LAMA3: variants seen among roughly 807,000 people sequenced by gnomAD.
LAMA3 encodes laminin subunit alpha 3.
In LAMA3, 281 loss-of-function variants were observed where a neutral mutation model predicts 402.0. The ratio of observed to expected loss-of-function variants is 0.70; its 90% CI spans 0.63 to 0.77. LAMA3 has a LOEUF of 0.77. Among genes scored for constraint, LAMA3 ranks in the 30% least tolerant of loss-of-function variants. The pLI is 0.00. For synonymous variants in LAMA3, 1,431 were observed against 1,558.4 expected (o/e 0.92, Z 1.93); for missense variants, 3,840 against 4,215.5 (o/e 0.91, Z 2.47).
chr18:23,885,460 T>C (rs2065045587), intron 41 of LAMA3, among the ~76,000 whole-genome samples: 1 of 151,734 alleles, frequency 6.6e-6, no homozygotes, highest in East Asian at 1.9e-4. Flanking sequence ...GTTCACATAA[T>C]AGGTGTTCGG....
At chr18:23,822,410 C>T (rs1478757171) in intron 20 of LAMA3, 35 bp downstream of exon 20, 1 of 1,599,422 alleles carries the variant, frequency 6.3e-7, no homozygotes, top group African/African-American at 1.3e-5. Flanking sequence ...AGCCTCTTTT[C>T]AATTAAGAAA....
chr18:23,805,383 C>A (rs535423493), intron 12 of LAMA3, among the ~76,000 whole-genome samples: 2 of 152,228 alleles, frequency 1.3e-5, no homozygotes, highest in Non-Finnish European at 2.9e-5. Context: ...CTCATCTCTG[C>A]AATTCCTGCA....
At chr18:23,952,968 C>G in intron 73 of LAMA3, 22 bp from the exon 74 acceptor site, 2 of 1,613,796 alleles carry the variant, frequency 1.2e-6, no homozygotes, top group South Asian at 1.1e-5. Flanking sequence ...GATGATAGAC[C>G]TAACCAGCCT....
chr18:23,914,668 A>G lies in LAMA3; in HGVS notation c.7482-30A>G. 1.9e-6 allele frequency: 3 copies of G among 1,596,332 alleles called. 1 individual carries two copies. In the South Asian group the frequency reaches 3.3e-5, roughly 18 times the overall value. On this transcript the variant is annotated intron_variant, in intron 57 of 74. Transcript: ENST00000313654. The stretch of plus-strand genomic sequence containing the variant: ...TTTGAATTCTTCAAATTTTTTGTTT[A>G]ACTTTATTATCTAAATTCATTTTAA...
intron 70 of LAMA3, among the ~76,000 whole-genome samples, chr18:23,947,859 T>G (rs1269956524): frequency 6.7e-6 from 1 of 150,188 alleles, no homozygotes; most frequent in Non-Finnish European, 1.5e-5. Flanking sequence ...TCGCCCAGGC[T>G]GGAGTGCAGT....
At chr18:23,715,122 C>T (rs185277642) in intron 2 of LAMA3, among the ~76,000 whole-genome samples, 142 of 151,934 alleles carry the variant, frequency 9.3e-4, no homozygotes, top group African/African-American at 3.3e-3. Flanking sequence ...GAAATTGGGG[C>T]GTGACTAATA....
intron 32 of LAMA3, among the ~76,000 whole-genome samples, chr18:23,854,072 C>T (rs1342903234): frequency 6.6e-6 from 1 of 152,232 alleles, no homozygotes; most frequent in Non-Finnish European, 1.5e-5. Context: ...CAGGCCGCTG[C>T]TCTCCTCCCT....
chr18:23,843,293 C>T (rs1028526397), intron 29 of LAMA3, among the ~76,000 whole-genome samples: 3 of 152,150 alleles, frequency 2.0e-5, no homozygotes, highest in Admixed American at 6.5e-5. Flanking sequence ...CCATCTCCTG[C>T]GTATCTGCCT....
At chr18:23,751,229 G>A in intron 5 of LAMA3, 141 bp downstream of exon 5, 2 of 785,050 alleles carry the variant, frequency 2.5e-6, no homozygotes, top group South Asian at 3.2e-5. Flanking sequence ...TGAAATACTA[G>A]ATATAATTAG....
chr18:23,906,372 T>C (rs928965953), intron 52 of LAMA3, among the ~76,000 whole-genome samples: 1 of 152,248 alleles, frequency 6.6e-6, no homozygotes, highest in African/African-American at 2.4e-5. Flanking sequence ...TCACTGCTAC[T>C]GTGAAGCATG....
rs755647001 is a variant in LAMA3, at chr18:23,815,190, T to G, written c.1891T>G (p.Cys631Gly). 1.9e-6 allele frequency: 3 copies of G among 1,613,990 alleles called. No homozygotes were observed. Among genetic ancestry groups the G allele is most frequent in the Non-Finnish European group, 2.5e-6 (3 of 1,179,968 alleles). ...DKENPSGCSECKCHKAGTVSG... is the reference protein window; with the variant it reads ...DKENPSGCSEGKCHKAGTVSG... ...AGGATGCTCTCTTATCTCCACAGAA[T>G]GCAAGTGCCATAAGGCGGGAACAGT... Residue 631 changes from cysteine to glycine, a missense_variant and splice_region_variant, in exon 16 of 75, where the codon TGC (cysteine) becomes GGC (glycine). Physicochemically the swap from Cys to Gly is radical, Grantham distance 159. Around this residue, in one of 3 missense-constraint regions of LAMA3, gnomAD observed 2,109 missense variants for 2,376.0 expected, o/e 0.89. Transcript: ENST00000313654.
intron 12 of LAMA3, among the ~76,000 whole-genome samples, chr18:23,785,303 G>A (rs2062521442): frequency 6.6e-6 from 1 of 152,058 alleles, no homozygotes; most frequent in African/African-American, 2.4e-5. Context: ...TCTGAACACT[G>A]GAGGATATTA....
chr18:23,741,776 A>G (rs77135824), intron 2 of LAMA3, among the ~76,000 whole-genome samples: 9,482 of 152,268 alleles, frequency 0.062, 622 homozygotes, highest in Admixed American at 0.18. Context: ...TAGCATTATC[A>G]ATAATAGGAC....
intron 36 of LAMA3, among the ~76,000 whole-genome samples, chr18:23,867,185 T>G (rs2064379006): frequency 6.6e-6 from 1 of 152,186 alleles, no homozygotes. Flanking sequence ...CAAAGCACTT[T>G]CTTCCCACCG....
intron 2 of LAMA3, among the ~76,000 whole-genome samples, chr18:23,723,197 TA>T (rs1006751262): frequency 3.9e-5 from 6 of 152,132 alleles, no homozygotes; most frequent in African/African-American, 1.4e-4. Context: ...ATATTTGCAT[TA>T]AAAAAATTTC....
intron 12 of LAMA3, 132 bp from the exon 13 acceptor site, chr18:23,810,234 T>G: frequency 9.5e-7 from 1 of 1,050,816 alleles, no homozygotes; most frequent in Non-Finnish European, 1.5e-6. Context: ...GTTCCCGATC[T>G]CATAAGAAGT....
At chr18:23,710,177 T>C in intron 1 of LAMA3, 1 of 684,888 alleles carries the variant, frequency 1.5e-6, no homozygotes, top group South Asian at 1.4e-5. Context: ...GCAGATCTTT[T>C]TTTGTGTGGC....
At chr18:23,794,756 A>G (rs2062730132) in intron 12 of LAMA3, among the ~76,000 whole-genome samples, 1 of 152,096 alleles carries the variant, frequency 6.6e-6, no homozygotes, top group African/African-American at 2.4e-5. Flanking sequence ...TGAATACACT[A>G]ATTGTCTAAC....
At chr18:23,917,025 TC>T (rs1350164579) in intron 60 of LAMA3, among the ~76,000 whole-genome samples, 1 of 152,092 alleles carries the variant, frequency 6.6e-6, no homozygotes, top group African/African-American at 2.4e-5. Context: ...TAAAAATACT[TC>T]CACCCTCAAG....
Sources: allele counts gnomAD v4.1 joint callset (sites outside exome capture counted in the v4.1 genomes callset), GRCh38; gene constraint gnomAD v4.1.1; regional missense constraint gnomAD v4.1.1; transcripts MANE v1.5; gene names NCBI Gene and HGNC (gene_info 2026-07-23, HGNC 2026-07-21).